LRRTM4: variants seen among roughly 807,000 people sequenced by gnomAD.
LRRTM4 encodes the protein leucine-rich repeat transmembrane neuronal protein 4.
LRRTM4 carries 25 observed loss-of-function variants against 47.6 expected under a neutral mutation model. The ratio of observed to expected loss-of-function variants is 0.53; its 90% CI spans 0.38 to 0.73. The LOEUF is 0.73. Ranked by LOEUF, LRRTM4 falls within the 30% of genes least tolerant of loss-of-function variation. The pLI is 0.00. For missense variants in LRRTM4, 638 were observed against 713.4 expected (o/e 0.89, Z 1.20); for synonymous variants, 311 against 269.5 (o/e 1.15, Z -1.51).
intron 3 of LRRTM4, among the ~76,000 whole-genome samples, chr2:77,322,699 T>G (rs1443688246): frequency 6.6e-6 from 1 of 151,082 alleles, no homozygotes; most frequent in Admixed American, 6.6e-5. Flanking sequence ...ATCAAACAGA[T>G]GCCAAAGTTT....
intron 3 of LRRTM4, among the ~76,000 whole-genome samples, chr2:77,321,052 T>G (rs764700068): frequency 4.6e-5 from 7 of 152,124 alleles, no homozygotes; most frequent in Admixed American, 2.6e-4. Flanking sequence ...TTATCCTTAT[T>G]TCTGGTTAGT....
chr2:77,379,617 A>C (rs570218906), intron 3 of LRRTM4, among the ~76,000 whole-genome samples: 68 of 152,196 alleles, frequency 4.5e-4, no homozygotes, highest in Middle Eastern at 3.4e-3. Context: ...TTTTATTTAA[A>C]TATATTCTCT....
intron 3 of LRRTM4, among the ~76,000 whole-genome samples, chr2:77,086,409 A>AGTGTGTGTTTGTGT (rs111490311): frequency 1.3e-5 from 2 of 150,608 alleles, no homozygotes; most frequent in African/African-American, 4.9e-5. Context: ...AAACATTTTT[A>AGTGTGTGTTTGTGT]GTGTGTGTAT....
intron 3 of LRRTM4, among the ~76,000 whole-genome samples, chr2:77,055,990 T>G (rs1192493492): frequency 7.4e-6 from 1 of 134,966 alleles, no homozygotes; most frequent in Non-Finnish European, 1.5e-5. Flanking sequence ...AATTGAACAA[T>G]GAGAACACAC....
intron 3 of LRRTM4, among the ~76,000 whole-genome samples, chr2:76,769,334 G>T (rs1343301383): frequency 6.6e-6 from 1 of 152,034 alleles, no homozygotes; most frequent in Non-Finnish European, 1.5e-5. Flanking sequence ...CTAGAAAAAT[G>T]TCCTGATAAA....
intron 3 of LRRTM4, among the ~76,000 whole-genome samples, chr2:77,188,527 G>C (rs953836756): frequency 1.3e-5 from 2 of 152,030 alleles, no homozygotes; most frequent in Non-Finnish European, 2.9e-5. Context: ...TTCTGTTGCA[G>C]CCGACATTTC....
At chr2:77,086,289 T>C (rs1680709941) in intron 3 of LRRTM4, among the ~76,000 whole-genome samples, 1 of 152,132 alleles carries the variant, frequency 6.6e-6, no homozygotes, top group Admixed American at 6.5e-5. Flanking sequence ...AGGTCTAACA[T>C]CACTGACGTA....
In LRRTM4 at chr2:77,230,889, T is replaced by C. The variant is rs867413311; in HGVS notation, c.1551+287429A>G. On this transcript the variant is annotated intron_variant, in intron 3 of 3. Coordinates refer to ENST00000409884, the MANE Select transcript of LRRTM4 (RefSeq NM_001134745.3). Reference sequence around the variant, plus strand: ...AAACTATCATTAAAAATAGACAAATTAATTTCTATTTTGAAATGGAAATTT... The same window carrying C: ...AAACTATCATTAAAAATAGACAAATCAATTTCTATTTTGAAATGGAAATTT... Among the ~76,000 whole-genome samples, 3 of 152,238 alleles carry C rather than the reference T, an allele frequency of 2.0e-5. No individual in the cohort carries two copies. In the South Asian group the frequency reaches 6.2e-4, roughly 32 times the overall value.
chr2:76,984,981 A>C (rs1442078083), intron 3 of LRRTM4, among the ~76,000 whole-genome samples: 1 of 152,034 alleles, frequency 6.6e-6, no homozygotes, highest in Non-Finnish European at 1.5e-5. Context: ...GGAAAATCAG[A>C]GGATAGAAGT....
chr2:77,206,281 C>T (rs10210422), intron 3 of LRRTM4, among the ~76,000 whole-genome samples: 21,940 of 150,506 alleles, frequency 0.15, 2,624 homozygotes, highest in East Asian at 0.35. Context: ...TGGGTTCAAG[C>T]GATTTTTGTG....
At chr2:76,912,801 C>T (rs1049052712) in intron 3 of LRRTM4, among the ~76,000 whole-genome samples, 2 of 152,100 alleles carry the variant, frequency 1.3e-5, no homozygotes, top group African/African-American at 4.8e-5. Flanking sequence ...AAGGGTGTGG[C>T]ACCTCCCCCA....
At chr2:76,831,227 A>G (rs958507738) in intron 3 of LRRTM4, among the ~76,000 whole-genome samples, 23 of 152,144 alleles carry the variant, frequency 1.5e-4, no homozygotes, top group African/African-American at 4.1e-4. Context: ...GAAATGAACA[A>G]AGACACAAAC....
At chr2:76,834,019 A>ATTTATTTATTTATTTAT (rs1553416831) in intron 3 of LRRTM4, among the ~76,000 whole-genome samples, 2 of 140,538 alleles carry the variant, frequency 1.4e-5, no homozygotes, top group African/African-American at 5.3e-5. Context: ...TCATTTATTT[A>ATTTATTTATTTATTTAT]TTATTTATTT....
chr2:76,854,969 T>C (rs1220979399), intron 3 of LRRTM4, among the ~76,000 whole-genome samples: 1 of 151,854 alleles, frequency 6.6e-6, no homozygotes, highest in Admixed American at 6.6e-5. Context: ...ATAATAAGAA[T>C]CTAGTGGCCA....
At chr2:77,357,547 T>C (rs925021436) in intron 3 of LRRTM4, among the ~76,000 whole-genome samples, 3 of 152,274 alleles carry the variant, frequency 2.0e-5, no homozygotes, top group South Asian at 2.1e-4. Context: ...GTTATGCATA[T>C]AAATATGAAC....
At chr2:77,315,586 C>G (rs942864552) in intron 3 of LRRTM4, among the ~76,000 whole-genome samples, 4 of 152,118 alleles carry the variant, frequency 2.6e-5, no homozygotes, top group Admixed American at 6.6e-5. Context: ...CTTATGAATG[C>G]TTGACTAAAC....
chr2:77,487,640 T>TGAAGCCCCACCTTCAGGCCACCAAAGGCC (rs1291565360), intron 3 of LRRTM4, among the ~76,000 whole-genome samples: 1 of 152,008 alleles, frequency 6.6e-6, no homozygotes, highest in Admixed American at 6.5e-5. Context: ...AGTTCCCCAG[T>TGAAGCCCCACCTTCAGGCCACCAAAGGCC]GAAGCCCCAC....
chr2:76,815,464 G>A (rs988730903), intron 3 of LRRTM4, among the ~76,000 whole-genome samples: 4 of 152,104 alleles, frequency 2.6e-5, no homozygotes, highest in Admixed American at 1.3e-4. Flanking sequence ...TCAGCTGAAA[G>A]AGATGATGAA....
chr2:77,212,106 G>C (rs1674307768), intron 3 of LRRTM4, among the ~76,000 whole-genome samples: 1 of 151,924 alleles, frequency 6.6e-6, no homozygotes, highest in African/African-American at 2.4e-5. Context: ...GGATGTGGGA[G>C]ACTACTTAAA....
Sources: gnomAD v4.1 joint callset for allele counts (sites outside exome capture counted in the v4.1 genomes callset) on GRCh38, gnomAD v4.1.1 for gene constraint, MANE v1.5 for transcripts, NCBI Gene and HGNC (gene_info 2026-07-23, HGNC 2026-07-21) for gene names.